Variants in ABCB10 observed in about 807,000 individuals in gnomAD.
ABCB10 encodes the protein ATP-binding cassette sub-family B member 10, mitochondrial.
ABCB10 carries 54 observed loss-of-function variants against 65.4 expected under a neutral mutation model. The observed-to-expected ratio is 0.83, with a 90% CI of 0.66 to 1.04. The LOEUF (loss-of-function observed/expected upper bound fraction) is 1.04. Ranked by LOEUF, ABCB10 falls within the 50% of genes least tolerant of loss-of-function variation. The probability of loss-of-function intolerance (pLI) is 0.00; values close to 1 mark genes in which losing one functional copy is unlikely to be tolerated. For missense variants in ABCB10, 846 were observed against 976.6 expected (o/e 0.87, Z 1.78); for synonymous variants, 418 against 406.5 (o/e 1.03, Z -0.34).
At position 229,542,344 on chromosome 1, in the gene ABCB10, AG is replaced by A. The variant is rs1376081481; in HGVS notation, c.948del (p.Phe317LeufsTer3). On this transcript the variant is annotated frameshift_variant, in exon 4 of 13. Coordinates refer to ENST00000344517, the MANE Select transcript of ABCB10 (RefSeq NM_012089.3). LOFTEE classifies it high-confidence loss of function. ...MMFFVSPNLATFVLSVVPPVS... is the reference protein window; with the variant it reads ...MMFFVSPNLAXFVLSVVPPVS... The stretch of plus-strand genomic sequence containing the variant: ...ACTGGAGGCACCACGCTCAAAACAA[AG>A]GTGGCCAGATTAGGTGAGACAAAAA... The A allele has an allele frequency of 1.9e-6, 3 of 1,613,980 alleles. No individual in the cohort carries two copies. The highest frequency in any genetic ancestry group is 2.5e-6 in the Non-Finnish European group (3 of 1,179,944).
chr1:229,527,401 T>C, intron 8 of ABCB10, 93 bp from the exon 9 acceptor site: 1 of 1,096,914 alleles, frequency 9.1e-7, no homozygotes, highest in Non-Finnish European at 1.4e-6. Flanking sequence ...TCCAGACTCA[T>C]TTTTTAAAGA....
intron 6 of ABCB10, among the ~76,000 whole-genome samples, chr1:229,537,062 T>G (rs1265357027): frequency 5.3e-5 from 8 of 152,290 alleles, no homozygotes; most frequent in Middle Eastern, 6.8e-3. Flanking sequence ...ATATATTGTA[T>G]GATTCCTTTT....
chr1:229,552,549 C>G (rs1663143205), intron 1 of ABCB10, among the ~76,000 whole-genome samples: 1 of 152,188 alleles, frequency 6.6e-6, no homozygotes, highest in African/African-American at 2.4e-5. Flanking sequence ...GAAGGAAAAT[C>G]TGAATTGCAG....
chr1:229,558,205 C>T lies in ABCB10; in HGVS notation c.448G>A (p.Ala150Thr), dbSNP rs4148756. 9.2e-5 allele frequency: 131 copies of T among 1,417,640 alleles called. No homozygotes were observed. The highest frequency in any genetic ancestry group is 1.2e-4 in the Non-Finnish European group (127 of 1,087,932). The allele number at this position is 1,417,640 out of a possible 1,614,324, so 87.8% of individuals were successfully genotyped here. A position where few individuals can be genotyped will look rare whatever the true frequency, so the allele number is the denominator to read the frequency against. ...PPGDKGRLRP[A>T]AAGLPEARKL... ...CGGGCCTCCGGGAGTCCGGCCGCTG[C>T]GGGGCGCAGCCGCCCCTTGTCCCCG... The change falls in exon 1 of 13, where the codon GCA becomes ACA. Residue 150 changes from alanine to threonine, a missense_variant. By Grantham distance (58) the Ala-to-Thr change is moderately conservative (BLOSUM62 0). Transcript: ENST00000344517.
intron 5 of ABCB10, 36 bp downstream of exon 5, chr1:229,540,570 T>C (rs1371719309): frequency 2.5e-6 from 4 of 1,575,846 alleles, no homozygotes; most frequent in Non-Finnish European, 3.4e-6. Flanking sequence ...ATTCTAACAT[T>C]TGCCAATTTT....
In ABCB10 at chr1:229,526,046, G is replaced by T; in HGVS notation, c.1796C>A (p.Thr599Asn). 6.2e-7 allele frequency: 1 copy of T among 1,614,176 alleles called. No individual in the cohort carries two copies. Among genetic ancestry groups the T allele is most frequent in the Non-Finnish European group, 8.5e-7 (1 of 1,180,020 alleles). The change falls in exon 10 of 13, where the codon ACC becomes AAC. Residue 599 changes from threonine to asparagine, a missense_variant. Physicochemically the swap from Thr to Asn is moderately conservative, Grantham distance 65 (BLOSUM62 0). Coordinates refer to ENST00000344517, the MANE Select transcript of ABCB10 (RefSeq NM_012089.3). ...AYGADDPSSV[T>N]AEEIQRVAEV... ...AGCCACTCTCTGGATTTCCTCAGCG[G>T]TCACAGAGGAAGGGTCATCAGCACC...
chr1:229,558,342 GC>G lies in ABCB10; in HGVS notation c.310del (p.Ala104LeufsTer108), dbSNP rs1311537855. The G allele has an allele frequency of 7.9e-7, 1 of 1,259,530 alleles. No individual in the cohort carries two copies. The highest frequency in any genetic ancestry group is 2.0e-5 in the South Asian group (1 of 50,522). 78.0% of individuals were successfully genotyped at this position (1,259,530 alleles called of 1,614,324 possible). A position where few individuals can be genotyped will look rare whatever the true frequency, so the allele number is the denominator to read the frequency against. On this transcript the variant is annotated frameshift_variant, in exon 1 of 13. Transcript: ENST00000344517. LOFTEE classifies it high-confidence loss of function. ...CCGAGGAGCGCCTGGCCCGGCAAAA[GC>G]CCCGCACCTGCAGCTGCCGGGGCCG... ...ARGPGSCRCG[A>X]FAGPGAPRLP...
intron 3 of ABCB10, among the ~76,000 whole-genome samples, chr1:229,544,826 C>A (rs1225993986): frequency 1.3e-5 from 2 of 152,226 alleles, no homozygotes; most frequent in African/African-American, 4.8e-5. Context: ...CACACTCTCT[C>A]TCCACTATGT....
chr1:229,540,845 T>C (rs1304568511), intron 4 of ABCB10, 93 bp from the exon 5 acceptor site: 9 of 1,400,228 alleles, frequency 6.4e-6, no homozygotes, highest in African/African-American at 5.8e-5. Context: ...CATTTTGTTA[T>C]TCATTAGAAA....
intron 1 of ABCB10, among the ~76,000 whole-genome samples, chr1:229,553,163 T>G (rs1217355438): frequency 6.6e-6 from 1 of 151,982 alleles, no homozygotes; most frequent in Non-Finnish European, 1.5e-5. Flanking sequence ...TGTTGCCCAG[T>G]GCAATGGCGC....
rs140295768 is a variant in ABCB10 at position 229,557,137 on chromosome 1, C to T, written c.517+999G>A. On this transcript the variant is annotated intron_variant, in intron 1 of 12. Coordinates refer to ENST00000344517, the MANE Select transcript of ABCB10 (RefSeq NM_012089.3). Reference sequence around the variant, plus strand: ...TGCTCTCCTCCACTGTGCAAACCTACTCTAAATCCCAAATCACTACCCAGG... The same window carrying T: ...TGCTCTCCTCCACTGTGCAAACCTATTCTAAATCCCAAATCACTACCCAGG... Among the ~76,000 whole-genome samples the T allele has an allele frequency of 3.6e-3, 551 of 152,322 alleles. 2 individuals are homozygous for T. The highest frequency in any genetic ancestry group is 0.02 in the South Asian group (95 of 4,828).
At chr1:229,523,351 A>AT (rs1662360317) in intron 10 of ABCB10, among the ~76,000 whole-genome samples, 3 of 152,172 alleles carry the variant, frequency 2.0e-5, no homozygotes, top group African/African-American at 7.2e-5. Context: ...ACCCAATTCC[A>AT]TTTTTGGGGA....
chr1:229,530,591 G>A (rs1662560580), intron 7 of ABCB10, among the ~76,000 whole-genome samples, 183 bp from the exon 8 acceptor site: 1 of 152,142 alleles, frequency 6.6e-6, no homozygotes, highest in Admixed American at 6.6e-5. Flanking sequence ...TGCCAACTCT[G>A]CACCTACTAT....
intron 5 of ABCB10, 67 bp downstream of exon 5, chr1:229,540,539 C>T: frequency 1.4e-6 from 2 of 1,480,298 alleles, no homozygotes; most frequent in Non-Finnish European, 1.8e-6. Flanking sequence ...ATGCTGAGCA[C>T]CACAGAATAA....
Position 229,558,455 on chromosome 1 carries a change from G to A in ABCB10, c.198C>T (p.Arg66=), listed in dbSNP as rs1663319905. ...CGCCCCGGCAGCCGCTCCTCCAGCG[G>A]CGCGCGGCTCCAACGCCCCAGAGCA... The part of the protein sequence containing the change: ...PALLWGVGAA[R]RWRSGCRGGG... Residue 66 remains arginine (R), a synonymous_variant, in exon 1 of 13, where the codon CGC becomes CGT. Transcript: ENST00000344517. The A allele has an allele frequency of 5.7e-6, 7 of 1,224,600 alleles. No individual in the cohort carries two copies. The Admixed American group carries it at 1.3e-4, about 24-fold the overall frequency. 75.9% of individuals were successfully genotyped at this position (1,224,600 alleles called of 1,614,324 possible). A position where few individuals can be genotyped will look rare whatever the true frequency, so the allele number is the denominator to read the frequency against.
At chr1:229,523,977 T>TTATA (rs149070231) in intron 10 of ABCB10, among the ~76,000 whole-genome samples, 6 of 149,638 alleles carry the variant, frequency 4.0e-5, no homozygotes, top group African/African-American at 1.2e-4. Flanking sequence ...CATCTACTGC[T>TTATA]TATATATATA....
intron 8 of ABCB10, among the ~76,000 whole-genome samples, chr1:229,529,208 G>C (rs1420156022): frequency 2.8e-5 from 4 of 145,268 alleles, no homozygotes; most frequent in African/African-American, 1.0e-4. Flanking sequence ...CAGGAGAATG[G>C]CGTGAACCCG....
At chr1:229,528,264 G>C (rs1558120571) in intron 8 of ABCB10, among the ~76,000 whole-genome samples, 1 of 151,968 alleles carries the variant, frequency 6.6e-6, no homozygotes, top group Non-Finnish European at 1.5e-5. Context: ...TTGTGATGAA[G>C]AAACTAGAGA....
intron 1 of ABCB10, among the ~76,000 whole-genome samples, chr1:229,552,155 T>G (rs1317574130): frequency 6.6e-6 from 1 of 152,260 alleles, no homozygotes; most frequent in Non-Finnish European, 1.5e-5. Flanking sequence ...ATCAGCTTGT[T>G]TTATTGTCAT....
Sources: allele counts gnomAD v4.1 joint callset (sites outside exome capture counted in the v4.1 genomes callset), GRCh38; gene constraint gnomAD v4.1.1; transcripts MANE v1.5; gene names NCBI Gene and HGNC (gene_info 2026-07-23, HGNC 2026-07-21).